The following P2RX6 variants were observed in gnomAD, a reference collection of about 807,000 sequenced individuals.
P2RX6 encodes P2X purinoceptor 6.
In P2RX6, 62 loss-of-function variants were observed where a neutral mutation model predicts 54.2. The ratio of observed to expected loss-of-function variants is 1.14; its 90% CI spans 0.93 to 1.41. The LOEUF is 1.41. P2RX6 is among the 40% of genes most tolerant of loss of function. P2RX6 has a pLI of 0.00. For missense variants in P2RX6, 541 were observed against 566.3 expected (o/e 0.96, Z 0.45); for synonymous variants, 211 against 231.9 (o/e 0.91, Z 0.82).
chr22:21,013,529 G>A (rs1485448068), upstream of P2RX6, among the ~76,000 whole-genome samples: 4 of 152,224 alleles, frequency 2.6e-5, no homozygotes, highest in Non-Finnish European at 5.9e-5. Flanking sequence ...CAAGGATGCA[G>A]TGAGCTATGA....
At chr22:21,018,116 G>T (rs2073598) in intron 3 of P2RX6, 56 bp downstream of exon 3, 1,042,278 of 1,223,174 alleles carry the variant, frequency 0.85, 446,242 homozygotes, top group Non-Finnish European at 0.88. Context: ...CAGCCCCAGG[G>T]GGCCACCCGT....
Position 21,016,349 on chromosome 22 carries a change from G to A in P2RX6, c.315+257G>A, listed in dbSNP as rs146844165. Among the ~76,000 whole-genome samples the A allele has an allele frequency of 3.0e-3, 455 of 152,192 alleles. 3 individuals are homozygous for A. Among genetic ancestry groups the A allele is most frequent in the African/African-American group, 0.011 (437 of 41,508 alleles). Reference sequence around the variant, plus strand: ...GTGCTGGCTCACGCCTGTAATCCCAGCACTTTGGGAGGCCAAGGCAGGTGG... The same window carrying A: ...GTGCTGGCTCACGCCTGTAATCCCAACACTTTGGGAGGCCAAGGCAGGTGG... On this transcript the variant is annotated intron_variant, in intron 2 of 11. Coordinates refer to ENST00000413302, the MANE Select transcript of P2RX6 (RefSeq NM_005446.5).
At position 21,021,273 on chromosome 22, in the gene P2RX6, G is replaced by A. The variant is rs570816231; in HGVS notation, c.388-1403G>A. Reference sequence around the variant, plus strand: ...ATTACAGGCGTGAGCCACTGTGCCTGGCAGGAGCTAAACTTGATTAGAGGA... The same window carrying A: ...ATTACAGGCGTGAGCCACTGTGCCTAGCAGGAGCTAAACTTGATTAGAGGA... On this transcript the variant is annotated intron_variant, in intron 3 of 11. Coordinates refer to ENST00000413302, the MANE Select transcript of P2RX6 (RefSeq NM_005446.5). Among the ~76,000 whole-genome samples the A allele has an allele frequency of 1.8e-4, 28 of 152,282 alleles. 1 individual carries two copies. The East Asian group carries it at 4.6e-3, about 25-fold the overall frequency.
chr22:21,020,154 G>T (rs556405962), intron 3 of P2RX6, among the ~76,000 whole-genome samples: 2 of 152,338 alleles, frequency 1.3e-5, no homozygotes, highest in South Asian at 4.1e-4. Context: ...TGTGCATTTA[G>T]TGTTCAGTTT....
At chr22:21,011,095 A>G (rs399647), upstream of P2RX6, among the ~76,000 whole-genome samples, 88,152 of 151,350 alleles carry the variant, frequency 0.58, 26,142 homozygotes, top group Non-Finnish European at 0.64. Flanking sequence ...TCAGAATGAT[A>G]TTGTTAACAT....
At chr22:21,021,429 T>C (rs1927387593) in intron 3 of P2RX6, among the ~76,000 whole-genome samples, 1 of 152,142 alleles carries the variant, frequency 6.6e-6, no homozygotes, top group Admixed American at 6.5e-5. Flanking sequence ...TGGTGGTCAC[T>C]GTGGGGTCTA....
upstream of P2RX6, among the ~76,000 whole-genome samples, chr22:21,011,843 A>C (rs929487244): frequency 1.3e-5 from 2 of 152,134 alleles, no homozygotes; most frequent in African/African-American, 4.8e-5. Flanking sequence ...GGTACTGTAG[A>C]GACTGCTGTG....
chr22:21,026,565 G>T lies in P2RX6; in HGVS notation c.1274G>T (p.Trp425Leu). The change falls in exon 12 of 12, where the codon TGG becomes TTG. Residue 425 changes from tryptophan to leucine, a missense_variant. Around this residue, in one of 2 missense-constraint regions of P2RX6, gnomAD observed 526 missense variants for 531.5 expected, o/e 0.99. Coordinates refer to ENST00000413302, the MANE Select transcript of P2RX6 (RefSeq NM_005446.5). The surrounding 1 kb of genome is among the most constrained non-coding windows in gnomAD (Gnocchi z 4.0). Reference sequence around the variant, plus strand: ...GGGAGTCAGACACAGACACCAGGATGGCCCTGTCCAAGTTCTGACACCCAC... The same window carrying T: ...GGGAGTCAGACACAGACACCAGGATTGCCCTGTCCAAGTTCTGACACCCAC... The part of the protein sequence containing the change: ...AAGSQTQTPG[W>L]PCPSSDTHLP... 1 of 1,591,280 alleles carries T rather than the reference G, an allele frequency of 6.3e-7. No individual in the cohort carries two copies.
upstream of P2RX6, among the ~76,000 whole-genome samples, chr22:21,014,781 A>G (rs1278364756): frequency 6.6e-6 from 1 of 152,080 alleles, no homozygotes; most frequent in Non-Finnish European, 1.5e-5. Context: ...AACTTCAGAA[A>G]TCTGCAAGGG....
chr22:21,025,955 A>G, intron 9 of P2RX6, 56 bp from the exon 10 acceptor site: 3 of 1,584,948 alleles, frequency 1.9e-6, no homozygotes, highest in South Asian at 2.3e-5. Flanking sequence ...ACAGGGCTGG[A>G]GGAGGCATGA....
In P2RX6 at chr22:21,018,948, C is replaced by T. The variant is rs184925607; in HGVS notation, c.387+888C>T. ...ATTTCTGGATAGTTTTTACATCAACCGTGGTCAAGCCAGAGTCCCCCACCT... is the reference window on the plus strand; with the variant it reads ...ATTTCTGGATAGTTTTTACATCAACTGTGGTCAAGCCAGAGTCCCCCACCT... On this transcript the variant is annotated intron_variant, in intron 3 of 11. Coordinates refer to ENST00000413302, the MANE Select transcript of P2RX6 (RefSeq NM_005446.5). Among the ~76,000 whole-genome samples the T allele has an allele frequency of 2.3e-3, 354 of 152,188 alleles. 1 individual carries two copies. The highest frequency in any genetic ancestry group is 3.4e-3 in the Non-Finnish European group (232 of 68,004).
At chr22:21,023,744 GAGC>G in intron 8 of P2RX6, 126 bp downstream of exon 8, 1 of 679,678 alleles carries the variant, frequency 1.5e-6, no homozygotes, top group Non-Finnish European at 2.6e-6. Flanking sequence ...GGGGTCCCAG[GAGC>G]AGGAGAGAGC....
At chr22:21,013,161 C>T (rs776815277), upstream of P2RX6, 69 of 164,474 alleles carry the variant, frequency 4.2e-4, no homozygotes, top group Non-Finnish European at 7.8e-4. Flanking sequence ...GTGTCCCCGA[C>T]CAGTTCTCCA....
In P2RX6 at chr22:21,025,886, C is replaced by T. The variant is rs573348820; in HGVS notation, c.972C>T (p.Leu324=). The T allele has an allele frequency of 1.3e-5, 21 of 1,576,866 alleles. No homozygotes were observed. Among genetic ancestry groups the T allele is most frequent in the South Asian group, 2.3e-5 (2 of 85,932 alleles). ...LKLYGIRFDI[L]VTGQAGKFGL... is the part of the protein sequence containing the mutation. The stretch of plus-strand genomic sequence containing the variant: ...TCTATGGAATCCGCTTCGACATCCT[C>T]GTCACCGGGCAGGTAGGCACAGGTA... Residue 324 remains leucine (L), a synonymous_variant, in exon 9 of 12, where the codon CTC becomes CTT. Transcript: ENST00000413302.
chr22:21,011,372 C>T (rs1297869730), upstream of P2RX6: 16 of 626,234 alleles, frequency 2.6e-5, no homozygotes, highest in Non-Finnish European at 4.4e-5. Context: ...TGGTGCCCTG[C>T]GCAGGCATTA....
chr22:21,017,918 C>G (rs780634846), intron 2 of P2RX6, 71 bp from the exon 3 acceptor site: 1 of 943,876 alleles, frequency 1.1e-6, no homozygotes, highest in African/African-American at 1.6e-5. Context: ...CCTCATAAAC[C>G]AGGCTGCCGG....
At chr22:21,018,567 A>C in intron 3 of P2RX6, 1 of 170,856 alleles carries the variant, frequency 5.9e-6, no homozygotes, top group East Asian at 1.5e-4. Context: ...AACACAGCAC[A>C]CTCTTGCTCA....
At chr22:21,012,859 C>A (rs1925824791), upstream of P2RX6, among the ~76,000 whole-genome samples, 2 of 152,104 alleles carry the variant, frequency 1.3e-5, no homozygotes, top group Non-Finnish European at 2.9e-5. Context: ...TGAAGGCTCC[C>A]CAACCCTTCA....
chr22:21,015,299 A>G lies in P2RX6; in HGVS notation c.125A>G (p.Gln42Arg). 1 of 1,560,368 alleles carries G rather than the reference A, an allele frequency of 6.4e-7. No individual in the cohort carries two copies. Among genetic ancestry groups the G allele is most frequent in the Non-Finnish European group, 8.6e-7 (1 of 1,160,642 alleles). The stretch of plus-strand genomic sequence containing the variant: ...AGGAACTGGCGGGTGGGCGCCCTGC[A>G]GAGGCTGCTGCAGTTTGGGATCGTG... ...MTRNWRVGAL[Q>R]RLLQFGIVVY... Residue 42 changes from glutamine to arginine, a missense_variant, in exon 1 of 12, where the codon CAG (glutamine) becomes CGG (arginine). Around this residue, in one of 2 missense-constraint regions of P2RX6, gnomAD observed 526 missense variants for 531.5 expected, o/e 0.99. Transcript: ENST00000413302.
Sources: allele counts gnomAD v4.1 joint callset (sites outside exome capture counted in the v4.1 genomes callset), GRCh38; gene constraint gnomAD v4.1.1; regional missense constraint gnomAD v4.1.1; non-coding constraint Gnocchi (gnomAD v3.1); transcripts MANE v1.5; gene names NCBI Gene and HGNC (gene_info 2026-07-23, HGNC 2026-07-21).